The following FGF14 variants were observed in gnomAD, a reference collection of about 807,000 sequenced individuals.
The protein encoded by FGF14 is fibroblast growth factor homologous factor 4.
A neutral mutation model predicts 25.5 loss-of-function variants in FGF14; 5 were observed. The observed-to-expected ratio is 0.20, with a 90% CI of 0.10 to 0.41. The LOEUF is 0.41. FGF14 is among the 10% of genes least tolerant of loss of function. FGF14 has a pLI of 1.00. For synonymous variants in FGF14, 138 were observed against 118.3 expected, an observed-to-expected ratio of 1.17 and a Z score of -1.08; for missense variants, 222 against 320.1, an observed-to-expected ratio of 0.69 and a Z score of 2.34.
At chr13:102,341,597 TTATTTGAA>T (rs2056953927) in intron 1 of FGF14, among the ~76,000 whole-genome samples, 1 of 152,194 alleles carries the variant, frequency 6.6e-6, no homozygotes. Flanking sequence ...GACAAAGCTG[TTATTTGAA>T]ATATTTGTAT....
At chr13:101,859,564 C>T (rs1350196011) in intron 3 of FGF14, among the ~76,000 whole-genome samples, 1 of 152,138 alleles carries the variant, frequency 6.6e-6, no homozygotes, top group Non-Finnish European at 1.5e-5. Context: ...AAGAGCTCTA[C>T]TCCTCAGCAT....
chr13:102,069,151 C>T (rs150228919), intron 1 of FGF14, among the ~76,000 whole-genome samples: 105 of 151,760 alleles, frequency 6.9e-4, no homozygotes, highest in Non-Finnish European at 1.1e-3. Context: ...GTAAACACAC[C>T]AATCAGCACC....
intron 3 of FGF14, among the ~76,000 whole-genome samples, chr13:101,778,007 C>A (rs760105573): frequency 6.6e-6 from 1 of 152,054 alleles, no homozygotes; most frequent in Admixed American, 6.6e-5. Context: ...AATCTATATG[C>A]ACACTGTAAT....
chr13:101,821,067 G>A (rs1270311803), intron 3 of FGF14, among the ~76,000 whole-genome samples: 79 of 148,096 alleles, frequency 5.3e-4, no homozygotes, highest in Non-Finnish European at 7.5e-4. Context: ...TCCTGCCTCA[G>A]CCTCCCAAGT....
chr13:102,148,271 T>A (rs1212183306), intron 1 of FGF14, among the ~76,000 whole-genome samples: 3 of 152,190 alleles, frequency 2.0e-5, no homozygotes, highest in African/African-American at 7.2e-5. Context: ...CTCAGAATTA[T>A]TTTTTGCAGA....
At chr13:101,953,372 C>A (rs1434944450) in intron 1 of FGF14, among the ~76,000 whole-genome samples, 2 of 151,934 alleles carry the variant, frequency 1.3e-5, no homozygotes, top group African/African-American at 4.8e-5. Context: ...GTGTTTAACC[C>A]AGCAGGGGAT....
At chr13:102,394,325 TGCCCCCG>T (rs904903102) in intron 1 of FGF14, 2 of 152,296 alleles carry the variant, frequency 1.3e-5, no homozygotes, top group African/African-American at 4.8e-5. Flanking sequence ...GCACATGGGG[TGCCCCCG>T]CGTCAACGCC....
intron 3 of FGF14, among the ~76,000 whole-genome samples, chr13:101,756,485 A>T (rs564839441): frequency 1.3e-5 from 2 of 152,344 alleles, no homozygotes; most frequent in African/African-American, 4.8e-5. Flanking sequence ...CTGTAATCCC[A>T]GCACTTTGGG....
rs1025208290 is a variant in FGF14, at chr13:101,712,359, A to G, written c.*10472T>C. ...CTGGAATTTACTCATCAAATGTTCTATCCATATATGCCATATTAGCTTTAG... is the reference window on the plus strand; with the variant it reads ...CTGGAATTTACTCATCAAATGTTCTGTCCATATATGCCATATTAGCTTTAG... On this transcript the variant is annotated 3_prime_UTR_variant, in exon 5 of 5. Coordinates refer to ENST00000376143, the MANE Select transcript of FGF14 (RefSeq NM_004115.4). 6.6e-6 allele frequency: 1 copy of G among 152,210 alleles called. No homozygotes were observed. The highest frequency in any genetic ancestry group is 2.1e-4 in the South Asian group (1 of 4,830). 9.4% of individuals were successfully genotyped at this position (152,210 alleles called of 1,614,324 possible). A position where few individuals can be genotyped will look rare whatever the true frequency, so the allele number is the denominator to read the frequency against.
intron 3 of FGF14, among the ~76,000 whole-genome samples, chr13:101,831,742 T>C (rs895663492): frequency 3.9e-5 from 6 of 152,118 alleles, no homozygotes; most frequent in Non-Finnish European, 7.4e-5. Context: ...AGAAAGTTGA[T>C]AGATCAATTC....
chr13:101,734,096 T>A (rs905061037), intron 3 of FGF14, among the ~76,000 whole-genome samples: 1 of 152,224 alleles, frequency 6.6e-6, no homozygotes, highest in African/African-American at 2.4e-5. Flanking sequence ...AGCAACTTCA[T>A]CACCTGGAAG....
At chr13:102,288,030 T>A (rs187404252) in intron 1 of FGF14, among the ~76,000 whole-genome samples, 1 of 152,246 alleles carries the variant, frequency 6.6e-6, no homozygotes, top group African/African-American at 2.4e-5. Flanking sequence ...AATAAAGTAG[T>A]CTTTGAAGTT....
At chr13:102,180,940 T>C (rs2048647080) in intron 1 of FGF14, among the ~76,000 whole-genome samples, 1 of 152,170 alleles carries the variant, frequency 6.6e-6, no homozygotes, top group Non-Finnish European at 1.5e-5. Context: ...TAATTTCTAA[T>C]ATATTTTAAA....
At chr13:101,881,247 G>A (rs952370089) in intron 1 of FGF14, among the ~76,000 whole-genome samples, 4 of 151,560 alleles carry the variant, frequency 2.6e-5, no homozygotes, top group African/African-American at 4.8e-5. Flanking sequence ...GGAAATCTTT[G>A]GAACTCAGAA....
At chr13:102,064,362 G>T (rs1018134283) in intron 1 of FGF14, among the ~76,000 whole-genome samples, 1 of 152,058 alleles carries the variant, frequency 6.6e-6, no homozygotes, top group Non-Finnish European at 1.5e-5. Context: ...CTTTAGATGG[G>T]TTCCTAGTCA....
chr13:102,224,980 C>T (rs2050769622), intron 1 of FGF14, among the ~76,000 whole-genome samples: 1 of 152,146 alleles, frequency 6.6e-6, no homozygotes, highest in South Asian at 2.1e-4. Flanking sequence ...GCCAAGCCCC[C>T]AATTCCCAGC....
Position 101,715,922 on chromosome 13 carries a change from G to A in FGF14, c.*6909C>T. The A allele has an allele frequency of 2.7e-6, 1 of 369,904 alleles. No individual in the cohort carries two copies. Among genetic ancestry groups the A allele is most frequent in the Non-Finnish European group, 5.0e-6 (1 of 198,510 alleles). The allele number at this position is 369,904 out of a possible 1,614,324, so 22.9% of individuals were successfully genotyped here. A position where few individuals can be genotyped will look rare whatever the true frequency, so the allele number is the denominator to read the frequency against. On this transcript the variant is annotated 3_prime_UTR_variant, in exon 5 of 5. Coordinates refer to ENST00000376143, the MANE Select transcript of FGF14 (RefSeq NM_004115.4). ...AATTTTTCCACCCAAAAGTCATTTG[G>A]CAACATCTACAGACAATTTTGATTG... is the stretch of plus-strand genomic sequence containing the variant.
At chr13:102,012,668 G>A (rs952064761) in intron 1 of FGF14, among the ~76,000 whole-genome samples, 1 of 152,144 alleles carries the variant, frequency 6.6e-6, no homozygotes, top group African/African-American at 2.4e-5. Flanking sequence ...AAGTTGTGTG[G>A]TCATGTAATA....
chr13:102,197,445 A>T (rs1372188311), intron 1 of FGF14, among the ~76,000 whole-genome samples: 1 of 152,116 alleles, frequency 6.6e-6, no homozygotes, highest in East Asian at 1.9e-4. Context: ...AAGTCACTCA[A>T]CTTTCCTGAC....
Sources: gnomAD v4.1 joint callset for allele counts (sites outside exome capture counted in the v4.1 genomes callset) on GRCh38, gnomAD v4.1.1 for gene constraint, MANE v1.5 for transcripts, NCBI Gene and HGNC (gene_info 2026-07-23, HGNC 2026-07-21) for gene names.